Variants in RP1 observed in about 807,000 individuals in gnomAD.
RP1 encodes the protein oxygen-regulated protein 1.
A neutral mutation model predicts 14.8 loss-of-function variants in RP1; 16 were observed. That is an observed-to-expected ratio of 1.08 (90% CI 0.73 to 1.65). The LOEUF is 1.65. Ranked by LOEUF, RP1 falls within the 40% of genes most tolerant of loss-of-function variation. The probability of loss-of-function intolerance (pLI) is 0.00; values close to 1 mark genes in which losing one functional copy is unlikely to be tolerated. For missense variants in RP1, 2,631 were observed against 2,535.0 expected (o/e 1.04, Z -0.81); for synonymous variants, 876 against 883.6 (o/e 0.99, Z 0.15).
chr8:54,853,519 G>T (rs570689282), intron 26 of RP1, among the ~76,000 whole-genome samples: 3 of 152,294 alleles, frequency 2.0e-5, no homozygotes, highest in East Asian at 3.9e-4. Context: ...TCTTATGGCC[G>T]TGCACAGATA....
chr8:54,696,289 T>C, intron 12 of RP1: 1 of 415,308 alleles, frequency 2.4e-6, no homozygotes, highest in Non-Finnish European at 4.3e-6. Flanking sequence ...TGGTATATAT[T>C]GACTAAACTC....
rs150069503 is a variant in RP1 at position 54,669,251 on chromosome 8, A to T, written c.1324-4599A>T. ...AGACGCTTATCAAAAGAAGACATTT[A>T]TGTGGCCAACAGACACATGAAAAAA... On this transcript the variant is annotated intron_variant, in intron 7 of 22. Transcript: ENST00000636932. Among the ~76,000 whole-genome samples, 1,175 of 152,340 alleles carry T rather than the reference A, an allele frequency of 7.7e-3. 8 individuals carry two copies. Among genetic ancestry groups the T allele is most frequent in the Middle Eastern group, 0.017 (5 of 292 alleles).
rs58007600 is a variant in RP1 at position 54,812,762 on chromosome 8, CATCTATCTATCTATCT to C, written c.3616-24655_3616-24640del. 7.2e-3 allele frequency among the ~76,000 whole-genome samples: 1,045 copies of C among 145,268 alleles called. 4 individuals carry two copies. The highest frequency in any genetic ancestry group is 0.01 in the Non-Finnish European group (672 of 66,526). The stretch of plus-strand genomic sequence containing the variant: ...TCTATGTATCCATGTATCTATCTAT[CATCTATCTATCTATCT>C]ATCTATCTATCTATCTATCTATCTA... On this transcript the variant is annotated intron_variant, in intron 24 of 28. Transcript: ENST00000637698.
intron 1 of RP1, among the ~76,000 whole-genome samples, chr8:54,563,823 A>G (rs1804341936): frequency 6.6e-6 from 1 of 152,186 alleles, no homozygotes; most frequent in Non-Finnish European, 1.5e-5. Context: ...TGTTGGGATT[A>G]TAGACATGAG....
At chr8:54,663,677 GT>G (rs1457018794) in intron 6 of RP1, 8 of 1,505,838 alleles carry the variant, frequency 5.3e-6, no homozygotes, top group Non-Finnish European at 5.3e-6. Flanking sequence ...GGCACTGAAA[GT>G]TTTTTTTCTT....
At chr8:54,595,544 T>C (rs1164670312) in intron 1 of RP1, among the ~76,000 whole-genome samples, 1 of 152,208 alleles carries the variant, frequency 6.6e-6, no homozygotes, top group Non-Finnish European at 1.5e-5. Context: ...TACTTCTCTC[T>C]GGCAGGGTGC....
At chr8:54,821,082 A>C (rs535847531) in intron 24 of RP1, among the ~76,000 whole-genome samples, 24 of 152,342 alleles carry the variant, frequency 1.6e-4, no homozygotes, top group Non-Finnish European at 2.6e-4. Flanking sequence ...GATGAGGGAC[A>C]CGCCAGAAAT....
chr8:54,846,431 G>A (rs928035284), intron 25 of RP1, among the ~76,000 whole-genome samples: 1 of 152,128 alleles, frequency 6.6e-6, no homozygotes, highest in African/African-American at 2.4e-5. Flanking sequence ...GGAAAGTATT[G>A]CGTGTGATGG....
chr8:54,707,654 T>C (rs1348727882), intron 15 of RP1, among the ~76,000 whole-genome samples: 2 of 152,204 alleles, frequency 1.3e-5, no homozygotes, highest in African/African-American at 4.8e-5. Context: ...TCATGATGTC[T>C]AGCTATAAGG....
Position 54,625,425 on chromosome 8 carries a change from C to A in RP1, c.1543C>A (p.Pro515Thr). ...CSKMSSVSNK[P>T]VLVQINNNDQ... ...TAAAATGTCATCAGTATCTAACAAA[C>A]CAGTACTTGTTCAGATCAATAACAA... The change falls in exon 4 of 4, where the codon CCA becomes ACA. Residue 515 changes from proline to threonine, a missense_variant. Transcript: ENST00000220676. 1.2e-6 allele frequency: 2 copies of A among 1,613,952 alleles called. No homozygotes were observed. The highest frequency in any genetic ancestry group is 2.2e-5 in the South Asian group (2 of 91,078).
At chr8:54,662,512 TC>T (rs1806923384) in intron 6 of RP1, among the ~76,000 whole-genome samples, 1 of 152,168 alleles carries the variant, frequency 6.6e-6, no homozygotes, top group Non-Finnish European at 1.5e-5. Context: ...GAATGTTGGC[TC>T]CAATGTGCTC....
intron 12 of RP1, chr8:54,696,976 C>T (rs1807881221): frequency 1.5e-6 from 2 of 1,344,002 alleles, no homozygotes; most frequent in Admixed American, 1.7e-5. Flanking sequence ...ATGAAATTGC[C>T]TTCCCAGGGA....
intron 27 of RP1, among the ~76,000 whole-genome samples, chr8:54,863,732 A>G (rs1346348919): frequency 1.3e-5 from 2 of 152,212 alleles, no homozygotes; most frequent in Non-Finnish European, 2.9e-5. Context: ...ACAAATCCCC[A>G]AACAGCATAG....
intron 1 of RP1, among the ~76,000 whole-genome samples, chr8:54,577,346 A>G (rs1181429571): frequency 6.6e-6 from 1 of 152,204 alleles, no homozygotes; most frequent in Non-Finnish European, 1.5e-5. Context: ...AGCTATCTGA[A>G]TAGATGGGAA....
intron 1 of RP1, among the ~76,000 whole-genome samples, chr8:54,577,414 A>C (rs1804686152): frequency 6.6e-6 from 1 of 152,234 alleles, no homozygotes; most frequent in African/African-American, 2.4e-5. Flanking sequence ...TTTATATGTA[A>C]GAGGGAAAAT....
At chr8:54,830,934 A>G (rs1407917336) in intron 24 of RP1, among the ~76,000 whole-genome samples, 2 of 152,116 alleles carry the variant, frequency 1.3e-5, no homozygotes, top group Admixed American at 6.5e-5. Context: ...TAGATATTTT[A>G]TATCAATGGG....
rs1404950033 is a variant in RP1 at position 54,769,383 on chromosome 8, C to CTGCCCT, written c.3249-350_3249-345dup. On this transcript the variant is annotated intron_variant, in intron 22 of 22. Coordinates refer to the RP1 transcript ENST00000636932. ...AGGTACCATGCTCAAAATCTGAAAC[C>CTGCCCT]TGCCCTTGCCCTTTTATCCAGCTTG... 3.5e-4 allele frequency among the ~76,000 whole-genome samples: 54 copies of CTGCCCT among 152,268 alleles called. No individual in the cohort carries two copies. The Middle Eastern group carries it at 0.01, about 29-fold the overall frequency.
intron 13 of RP1, among the ~76,000 whole-genome samples, chr8:54,700,144 G>C (rs1037241007): frequency 1.3e-5 from 2 of 151,880 alleles, no homozygotes; most frequent in African/African-American, 4.8e-5. Context: ...GTGGAAGCAG[G>C]AATTTAATAT....
At chr8:54,856,699 A>C (rs372190600) in intron 26 of RP1, among the ~76,000 whole-genome samples, 3 of 152,322 alleles carry the variant, frequency 2.0e-5, no homozygotes, top group African/African-American at 7.2e-5. Flanking sequence ...TATGAAAAAC[A>C]CTTGAGAGAG....
Sources: gnomAD v4.1 joint callset for allele counts (sites outside exome capture counted in the v4.1 genomes callset) on GRCh38, gnomAD v4.1.1 for gene constraint, MANE v1.5 for transcripts, NCBI Gene and HGNC (gene_info 2026-07-23, HGNC 2026-07-21) for gene names.